Variants in FAT4 observed in about 807,000 individuals in gnomAD.
FAT4 encodes the protein FAT atypical cadherin 4, also known as protocadherin Fat 4.
A neutral mutation model predicts 303.9 loss-of-function variants in FAT4; 84 were observed. The ratio of observed to expected loss-of-function variants is 0.28; its 90% CI spans 0.23 to 0.33. The LOEUF (loss-of-function observed/expected upper bound fraction) is 0.33, where lower values mean the gene tolerates loss of function less well. Ranked by LOEUF, FAT4 falls within the 10% of genes least tolerant of loss-of-function variation. FAT4 has a pLI of 1.00. For synonymous variants in FAT4, 2,307 were observed against 2,298.8 expected (o/e 1.00, Z -0.10); for missense variants, 6,005 against 6,146.8 (o/e 0.98, Z 0.77).
rs756219892 is a variant in FAT4 at position 125,318,764 on chromosome 4, G to A, written c.2353G>A (p.Asp785Asn). The change falls in exon 2 of 18, where the codon GAC becomes AAC. Residue 785 changes from aspartate (D) to asparagine (N), a missense_variant. Coordinates refer to ENST00000394329, the MANE Select transcript of FAT4 (RefSeq NM_001291303.3). ...GGCAATAGTAACCATCACTGTATTG[G>A]ACACTCAAGACAACCCACCTGTATT... Reference protein sequence around the residue: ...NQAIVTITVLDTQDNPPVFSQ... With the variant: ...NQAIVTITVLNTQDNPPVFSQ... 7 of 1,614,116 alleles carry A rather than the reference G, an allele frequency of 4.3e-6. No individual in the cohort carries two copies. The highest frequency in any genetic ancestry group is 8.5e-7 in the Non-Finnish European group (1 of 1,180,020).
intron 3 of FAT4, among the ~76,000 whole-genome samples, chr4:125,404,938 A>T (rs75161830): frequency 6.6e-6 from 1 of 151,486 alleles, no homozygotes; most frequent in African/African-American, 2.4e-5. Flanking sequence ...CTTTGTATGT[A>T]TATACAGGTT....
intron 2 of FAT4, among the ~76,000 whole-genome samples, chr4:125,331,528 G>A (rs920923769): frequency 7.9e-5 from 12 of 152,188 alleles, no homozygotes; most frequent in Non-Finnish European, 1.6e-4. Flanking sequence ...CATTTATGGT[G>A]TCTGTGAAGG....
chr4:125,491,368 C>T lies in FAT4; in HGVS notation c.14552C>T (p.Thr4851Ile). ...SSDSDSHESF[T>I]CSEMEYDREK... Reference sequence around the variant, plus strand: ...GATAGTGACTCCCATGAATCTTTCACTTGCTCAGAAATGGAATATGACAGG... The same window carrying T: ...GATAGTGACTCCCATGAATCTTTCATTTGCTCAGAAATGGAATATGACAGG... Residue 4851 changes from threonine to isoleucine, a missense_variant, in exon 18 of 18, where the codon ACT becomes ATT. Thr to Ile is a moderately conservative substitution (Grantham distance 89). Transcript: ENST00000394329. 6.2e-7 allele frequency: 1 copy of T among 1,614,228 alleles called. No individual in the cohort carries two copies. Among genetic ancestry groups the T allele is most frequent in the Non-Finnish European group, 8.5e-7 (1 of 1,180,038 alleles).
intron 16 of FAT4, among the ~76,000 whole-genome samples, chr4:125,484,060 T>TACACACACACACACACAC (rs34883833): frequency 7.2e-6 from 1 of 138,160 alleles, no homozygotes; most frequent in Non-Finnish European, 1.6e-5. Flanking sequence ...CAGACACACA[T>TACACACACACACACACAC]ACACACACAC....
chr4:125,402,745 C>T (rs1385287669), intron 3 of FAT4, among the ~76,000 whole-genome samples: 4 of 151,954 alleles, frequency 2.6e-5, no homozygotes, highest in African/African-American at 9.7e-5. Context: ...GCTGTAATCC[C>T]CCACTGTGTC....
At chr4:125,431,855 ATT>A (rs11354280) in intron 7 of FAT4, among the ~76,000 whole-genome samples, 1 of 150,604 alleles carries the variant, frequency 6.6e-6, no homozygotes, top group African/African-American at 2.4e-5. Flanking sequence ...TCCCTAGGTA[ATT>A]TTTTTTTTAT....
At chr4:125,366,238 C>G (rs778425307) in intron 2 of FAT4, among the ~76,000 whole-genome samples, 3 of 152,102 alleles carry the variant, frequency 2.0e-5, no homozygotes, top group Non-Finnish European at 4.4e-5. Context: ...TTTCCTGATG[C>G]TCTCCCTCCT....
Position 125,491,547 on chromosome 4 carries a change from G to A in FAT4, c.14731G>A (p.Ala4911Thr), listed in dbSNP as rs1427123389. Residue 4911 changes from alanine (A) to threonine (T), a missense_variant, in exon 18 of 18, where the codon GCA becomes ACA. By Grantham distance (58) the Ala-to-Thr change is moderately conservative. Transcript: ENST00000394329. ...AGGACCTGTGGGCACCCAGGCAGCA[G>A]CACCAGGCACTGCTGACAACACACT... ...EGGPVGTQAAAPGTADNTLPM... is the reference protein window; with the variant it reads ...EGGPVGTQAATPGTADNTLPM... 2 of 1,614,220 alleles carry A rather than the reference G, an allele frequency of 1.2e-6. No individual in the cohort carries two copies. Among genetic ancestry groups the A allele is most frequent in the Non-Finnish European group, 1.7e-6 (2 of 1,180,040 alleles).
chr4:125,362,828 G>A (rs1275212609), intron 2 of FAT4: 1 of 152,092 alleles, frequency 6.6e-6, no homozygotes, highest in East Asian at 1.9e-4. Context: ...TAGCTGGTCT[G>A]AAGGTAATGA....
In FAT4 at chr4:125,320,780, T is replaced by C; in HGVS notation, c.4369T>C (p.Tyr1457His). 6.2e-7 allele frequency: 1 copy of C among 1,614,168 alleles called. No individual in the cohort carries two copies. Among genetic ancestry groups the C allele is most frequent in the Non-Finnish European group, 8.5e-7 (1 of 1,179,990 alleles). The part of the protein sequence containing the change: ...PDADINGQLS[Y>H]TIIQQMPRGN... ...TGCAGACATTAATGGTCAACTATCC[T>C]ACACAATCATTCAACAGATGCCAAG... The change falls in exon 2 of 18, where the codon TAC becomes CAC. Residue 1457 changes from tyrosine (Y) to histidine (H), a missense_variant. Transcript: ENST00000394329.
At chr4:125,458,412 G>A (rs1726362276) in intron 10 of FAT4, among the ~76,000 whole-genome samples, 1 of 151,750 alleles carries the variant, frequency 6.6e-6, no homozygotes, top group Non-Finnish European at 1.5e-5. Context: ...AATTACTACG[G>A]TCATGTATTG....
chr4:125,465,010 T>C (rs1726613648), intron 11 of FAT4, among the ~76,000 whole-genome samples: 1 of 152,184 alleles, frequency 6.6e-6, no homozygotes, highest in Admixed American at 6.6e-5. Flanking sequence ...AACAACTTCA[T>C]GACTATCTGT....
At chr4:125,366,780 A>C (rs1021359935) in intron 2 of FAT4, among the ~76,000 whole-genome samples, 1 of 151,878 alleles carries the variant, frequency 6.6e-6, no homozygotes, top group African/African-American at 2.4e-5. Flanking sequence ...TTGACTTTTT[A>C]GTAATAGCCA....
rs145588399 is a variant in FAT4 at position 125,365,999 on chromosome 4, C to T, written c.5176-32785C>T. On this transcript the variant is annotated intron_variant, in intron 2 of 17. Transcript: ENST00000394329. ...CAGATCAGCCCCTGCTTTGGATTCT[C>T]GTGGGAGCGTGAACCCTATTGTGAA... Among the ~76,000 whole-genome samples the T allele has an allele frequency of 2.2e-3, 333 of 152,120 alleles. 7 individuals carry two copies. The highest frequency in any genetic ancestry group is 7.5e-3 in the African/African-American group (310 of 41,516).
intron 10 of FAT4, among the ~76,000 whole-genome samples, chr4:125,460,709 A>G (rs1726454508): frequency 6.6e-6 from 1 of 152,000 alleles, no homozygotes; most frequent in Non-Finnish European, 1.5e-5. Context: ...GGTTAATTCC[A>G]TGTCTTTGCT....
At chr4:125,375,918 G>T (rs544219204) in intron 2 of FAT4, among the ~76,000 whole-genome samples, 2 of 152,088 alleles carry the variant, frequency 1.3e-5, no homozygotes, top group South Asian at 4.1e-4. Flanking sequence ...TTGCATTTGG[G>T]AACACCATTT....
Position 125,449,300 on chromosome 4 carries a change from A to C in FAT4, c.8290A>C (p.Asn2764His), listed in dbSNP as rs147281598. 6.1e-4 allele frequency: 986 copies of C among 1,613,896 alleles called. 1 individual carries two copies. The highest frequency in any genetic ancestry group is 7.8e-4 in the Non-Finnish European group (921 of 1,179,930). Reference sequence around the variant, plus strand: ...GAGTACTTCAGTAAAAGTCATGATTAACATTTTAGATGAAAATGATAATGC... The same window carrying C: ...GAGTACTTCAGTAAAAGTCATGATTCACATTTTAGATGAAAATGATAATGC... ...SQSTSVKVMI[N>H]ILDENDNAPR... Residue 2764 changes from asparagine to histidine, a missense_variant, in exon 10 of 18, where the codon AAC (asparagine) becomes CAC (histidine). Asn to His is a moderately conservative substitution (Grantham distance 68). Coordinates refer to ENST00000394329, the MANE Select transcript of FAT4 (RefSeq NM_001291303.3).
intron 2 of FAT4, among the ~76,000 whole-genome samples, chr4:125,358,623 T>A (rs914780767): frequency 6.6e-6 from 1 of 151,996 alleles, no homozygotes; most frequent in African/African-American, 2.4e-5. Flanking sequence ...GGTGATAAAG[T>A]GAGTGATGGG....
intron 8 of FAT4, among the ~76,000 whole-genome samples, chr4:125,436,002 G>C (rs1725436222): frequency 1.4e-5 from 2 of 145,084 alleles, no homozygotes; most frequent in Admixed American, 7.0e-5. Flanking sequence ...AATTGGATGT[G>C]AGACAGGAAG....
Sources: gnomAD v4.1 joint callset for allele counts (sites outside exome capture counted in the v4.1 genomes callset) on GRCh38, gnomAD v4.1.1 for gene constraint, MANE v1.5 for transcripts, NCBI Gene and HGNC (gene_info 2026-07-23, HGNC 2026-07-21) for gene names.